Variants in DAG1 observed in about 807,000 individuals in gnomAD.
DAG1 encodes dystroglycan 1 (dystrophin-associated glycoprotein 1).
In DAG1, 8 loss-of-function variants were observed where a neutral mutation model predicts 46.1. The ratio of observed to expected loss-of-function variants is 0.17; its 90% CI spans 0.10 to 0.31. The LOEUF is 0.31. Ranked by LOEUF, DAG1 falls within the 10% of genes least tolerant of loss-of-function variation. The pLI, the probability that DAG1 is intolerant of heterozygous loss-of-function variation, is 1.00. For synonymous variants in DAG1, 495 were observed against 481.8 expected (o/e 1.03, Z -0.36); for missense variants, 1,003 against 1,189.9 (o/e 0.84, Z 2.31).
chr3:49,472,977 C>G (rs181798973), intron 1 of DAG1, among the ~76,000 whole-genome samples: 3 of 151,684 alleles, frequency 2.0e-5, no homozygotes, highest in Admixed American at 2.0e-4. Context: ...AAAAATTAGC[C>G]AGGCATGGTG....
intron 2 of DAG1, among the ~76,000 whole-genome samples, chr3:49,513,377 C>T (rs1200475341): frequency 1.3e-5 from 2 of 152,124 alleles, no homozygotes; most frequent in African/African-American, 2.4e-5. Context: ...TCTCTTAAGG[C>T]CCAGAACTTG....
chr3:49,509,286 C>T (rs924877667), intron 1 of DAG1, among the ~76,000 whole-genome samples: 6 of 152,130 alleles, frequency 3.9e-5, no homozygotes, highest in African/African-American at 1.2e-4. Flanking sequence ...TTTTTAAAAA[C>T]TAGCTGAGTG....
At chr3:49,480,477 CTG>C (rs752268890) in intron 1 of DAG1, among the ~76,000 whole-genome samples, 21 of 150,278 alleles carry the variant, frequency 1.4e-4, no homozygotes, top group Non-Finnish European at 2.2e-4. Context: ...CGGGGTTTCA[CTG>C]TGTTAGCCAG....
chr3:49,493,959 C>T (rs1339966234), intron 1 of DAG1, among the ~76,000 whole-genome samples: 4 of 152,220 alleles, frequency 2.6e-5, no homozygotes, highest in South Asian at 2.1e-4. Flanking sequence ...TTTGGAAGTA[C>T]GTCAGAGAAG....
intron 1 of DAG1, among the ~76,000 whole-genome samples, chr3:49,481,314 G>A (rs979123469): frequency 2.7e-5 from 4 of 149,758 alleles, no homozygotes; most frequent in African/African-American, 4.9e-5. Flanking sequence ...GGAGAATGGC[G>A]TGAACCTGGA....
In DAG1 at chr3:49,532,549, C is replaced by T. The variant is rs775023091; in HGVS notation, c.2038C>T (p.Arg680Trp). 1.4e-5 allele frequency: 23 copies of T among 1,613,324 alleles called. No individual in the cohort carries two copies. The highest frequency in any genetic ancestry group is 5.3e-5 in the African/African-American group (4 of 74,912). Residue 680 changes from arginine to tryptophan, a missense_variant, in exon 3 of 3, where the codon CGG (arginine) becomes TGG (tryptophan). Arg to Trp is a moderately radical substitution (Grantham distance 101). This residue lies in a region of DAG1 where 755 missense variants were observed against 854.1 expected (regional missense o/e 0.88). Transcript: ENST00000308775. The surrounding 1 kb of genome is among the most constrained non-coding windows in gnomAD (Gnocchi z 5.4). ...PKEQIAGLSRRIAEDDGKPRP... is the reference protein window; with the variant it reads ...PKEQIAGLSRWIAEDDGKPRP... The stretch of plus-strand genomic sequence containing the variant: ...GGAGCAGATCGCTGGGCTGAGCCGC[C>T]GGATCGCTGAGGATGATGGAAAACC...
chr3:49,510,339 G>T, intron 1 of DAG1, 80 bp from the exon 2 acceptor site: 2 of 622,526 alleles, frequency 3.2e-6, no homozygotes, highest in South Asian at 3.8e-5. Context: ...AGATGTTTTT[G>T]ACAGTAACTC....
chr3:49,527,600 G>A (rs2051215589), intron 2 of DAG1, among the ~76,000 whole-genome samples: 1 of 152,068 alleles, frequency 6.6e-6, no homozygotes, highest in South Asian at 2.1e-4. Context: ...CTACTTGGGA[G>A]GCTGAGGCAG....
intron 1 of DAG1, among the ~76,000 whole-genome samples, chr3:49,504,969 T>G (rs773259924): frequency 5.5e-5 from 8 of 145,838 alleles, no homozygotes; most frequent in Admixed American, 4.1e-4. Flanking sequence ...TACAGTCTTC[T>G]TCTTTTTTTT....
At chr3:49,496,554 G>T (rs547224354) in intron 1 of DAG1, among the ~76,000 whole-genome samples, 1 of 151,718 alleles carries the variant, frequency 6.6e-6, no homozygotes, top group South Asian at 2.1e-4. Context: ...TAGAGACAGG[G>T]TTTCACCATA....
intron 1 of DAG1, among the ~76,000 whole-genome samples, chr3:49,505,588 T>A (rs1460454746): frequency 6.6e-6 from 1 of 152,212 alleles, no homozygotes; most frequent in South Asian, 2.1e-4. Flanking sequence ...GGAGTTTTCT[T>A]ATGGATTCTT....
intron 1 of DAG1, among the ~76,000 whole-genome samples, chr3:49,486,513 C>T (rs963742779): frequency 3.3e-5 from 5 of 149,618 alleles, no homozygotes; most frequent in Non-Finnish European, 7.4e-5. Flanking sequence ...CCACCGCGCC[C>T]GGCCCTTTTT....
At position 49,531,533 on chromosome 3, in the gene DAG1, C is replaced by T. The variant is rs148759919; in HGVS notation, c.1022C>T (p.Thr341Ile). The change falls in exon 3 of 3, where the codon ACC becomes ATC. Residue 341 changes from threonine (T) to isoleucine (I), a missense_variant. This residue lies in a region of DAG1 where 755 missense variants were observed against 854.1 expected (regional missense o/e 0.88). Transcript: ENST00000308775. The surrounding 1 kb of genome is among the most constrained non-coding windows in gnomAD (Gnocchi z 7.0). ...IQEPPSRIVP[T>I]PTSPAIAPPT... The stretch of plus-strand genomic sequence containing the variant: ...GAGCCCCCATCCAGGATCGTGCCAA[C>T]CCCCACATCTCCAGCCATTGCTCCT... 1,207 of 1,610,830 alleles carry T rather than the reference C, an allele frequency of 7.5e-4. 1 individual carries two copies. Among genetic ancestry groups the T allele is most frequent in the South Asian group, 2.1e-3 (187 of 91,010 alleles).
At chr3:49,510,278 G>C (rs772586189) in intron 1 of DAG1, 141 bp from the exon 2 acceptor site, 58 of 575,988 alleles carry the variant, frequency 1.0e-4, no homozygotes, top group Non-Finnish European at 1.7e-4. Context: ...CGAAACTGTT[G>C]GTTTCTGTAT....
chr3:49,507,542 A>G (rs551865756), intron 1 of DAG1, among the ~76,000 whole-genome samples: 34 of 152,318 alleles, frequency 2.2e-4, no homozygotes, highest in African/African-American at 7.9e-4. Flanking sequence ...AGTCTAGGTG[A>G]CAGAGCAAGG....
chr3:49,532,450 C>T lies in DAG1; in HGVS notation c.1939C>T (p.Leu647=). 1 of 1,614,228 alleles carries T rather than the reference C, an allele frequency of 6.2e-7. No homozygotes were observed. The highest frequency in any genetic ancestry group is 1.1e-5 in the South Asian group (1 of 91,090). ...FGDRNCSTIT[L]QNITRGSIVV... The stretch of plus-strand genomic sequence containing the variant: ...AGACCGAAACTGTAGCACCATCACC[C>T]TGCAGAATATCACCCGGGGCTCCAT... The change falls in exon 3 of 3, where the codon CTG becomes TTG. Residue 647 remains leucine (L), a synonymous_variant. Coordinates refer to ENST00000308775, the MANE Select transcript of DAG1 (RefSeq NM_004393.6). The surrounding 1 kb of genome is among the most constrained non-coding windows in gnomAD (Gnocchi z 5.4).
chr3:49,474,190 G>T (rs925566095), intron 1 of DAG1, among the ~76,000 whole-genome samples: 2 of 152,162 alleles, frequency 1.3e-5, no homozygotes, highest in African/African-American at 4.8e-5. Flanking sequence ...GAGTAGCTGG[G>T]ACTACAGGCG....
intron 2 of DAG1, among the ~76,000 whole-genome samples, chr3:49,521,227 G>T (rs1329350977): frequency 6.6e-6 from 1 of 151,826 alleles, no homozygotes; most frequent in African/African-American, 2.4e-5. Flanking sequence ...GCAGTGGCGC[G>T]ATCTCGGCTC....
At chr3:49,521,583 C>T (rs1038603396) in intron 2 of DAG1, among the ~76,000 whole-genome samples, 6 of 152,068 alleles carry the variant, frequency 3.9e-5, no homozygotes, top group African/African-American at 1.4e-4. Context: ...ACCTCAGCCT[C>T]CTGAGTAGCT....
Sources: allele counts gnomAD v4.1 joint callset (sites outside exome capture counted in the v4.1 genomes callset), GRCh38; gene constraint gnomAD v4.1.1; regional missense constraint gnomAD v4.1.1; non-coding constraint Gnocchi (gnomAD v3.1); transcripts MANE v1.5; gene names NCBI Gene and HGNC (gene_info 2026-07-23, HGNC 2026-07-21).